Variants in MORC1 observed in about 807,000 individuals in gnomAD.
The protein encoded by MORC1 is MORC family CW-type zinc finger protein 1.
MORC1 carries 59 observed loss-of-function variants against 134.9 expected under a neutral mutation model. The ratio of observed to expected loss-of-function variants is 0.44; its 90% CI spans 0.35 to 0.54. MORC1 has a LOEUF of 0.54. MORC1 is among the 20% of genes least tolerant of loss of function. The pLI is 0.00. For missense variants in MORC1, 947 were observed against 1,134.5 expected (o/e 0.83, Z 2.37); for synonymous variants, 395 against 391.7 (o/e 1.01, Z -0.10).
Position 109,009,203 on chromosome 3 carries a change from TGTTG to T in MORC1, c.1705-2116_1705-2113del, listed in dbSNP as rs1272737538. ...AGTTCTTTCCTATTTTTACGTTTTT[TGTTG>T]TTTTTTTTTTTTTTTTTGAGACAGA... On this transcript the variant is annotated intron_variant, in intron 17 of 27. Coordinates refer to ENST00000232603, the MANE Select transcript of MORC1 (RefSeq NM_014429.4). Among the ~76,000 whole-genome samples the T allele has an allele frequency of 5.9e-4, 77 of 131,414 alleles. 1 individual carries two copies. The highest frequency in any genetic ancestry group is 7.6e-4 in the Admixed American group (10 of 13,084). The allele number at this position is 131,414 out of a possible 152,430, so 86.2% of individuals were successfully genotyped here.
chr3:109,012,700 A>G (rs1361236211), intron 17 of MORC1, among the ~76,000 whole-genome samples: 2 of 152,192 alleles, frequency 1.3e-5, no homozygotes, highest in East Asian at 1.9e-4. Flanking sequence ...TTCAATTTCA[A>G]TTTCCAACTG....
intron 21 of MORC1, among the ~76,000 whole-genome samples, chr3:108,998,809 C>T (rs1259342235): frequency 6.6e-6 from 1 of 152,058 alleles, no homozygotes; most frequent in Admixed American, 6.5e-5. Context: ...AGACATCCTG[C>T]TAGGATCACA....
At position 109,110,712 on chromosome 3, in the gene MORC1, T is replaced by A. The variant is rs779605854; in HGVS notation, c.154+37A>T. 6.6e-6 allele frequency: 10 copies of A among 1,523,848 alleles called. No homozygotes were observed. The South Asian group carries it at 9.7e-5, about 15-fold the overall frequency. 94.4% of individuals were successfully genotyped at this position (1,523,848 alleles called of 1,614,324 possible). ...AAGCAAAATAACTACAGTCTTTCCATTAGAAGAAAATAAAAGAAGAAAGCA... is the reference window on the plus strand; with the variant it reads ...AAGCAAAATAACTACAGTCTTTCCAATAGAAGAAAATAAAAGAAGAAAGCA... On this transcript the variant is annotated intron_variant, in intron 3 of 27. Transcript: ENST00000232603.
chr3:109,035,407 C>A lies in MORC1; in HGVS notation c.1392G>T (p.Glu464Asp). 3 of 1,560,594 alleles carry A rather than the reference C, an allele frequency of 1.9e-6. No individual in the cohort carries two copies. Among genetic ancestry groups the A allele is most frequent in the Non-Finnish European group, 2.6e-6 (3 of 1,142,166 alleles). The change falls in exon 15 of 28, where the codon GAG (glutamate) becomes GAT (aspartate). Residue 464 changes from glutamate to aspartate, a missense_variant. Coordinates refer to ENST00000232603, the MANE Select transcript of MORC1 (RefSeq NM_014429.4). ...EFGYQNDIDV[E>D]KPLNSFQYQR... The stretch of plus-strand genomic sequence containing the variant: ...GATATTGAAAAGAATTTAAAGGTTT[C>A]TCCACATCGATGTCATTCTGGTATC...
At chr3:109,096,520 T>A (rs1314621455) in intron 6 of MORC1, among the ~76,000 whole-genome samples, 1 of 152,180 alleles carries the variant, frequency 6.6e-6, no homozygotes, top group Non-Finnish European at 1.5e-5. Context: ...ACAAGTGCCA[T>A]GGGAATGTCA....
intron 23 of MORC1, among the ~76,000 whole-genome samples, chr3:108,984,323 C>T (rs547812923): frequency 6.6e-6 from 1 of 151,986 alleles, no homozygotes; most frequent in East Asian, 1.9e-4. Context: ...AAAATTCTAG[C>T]ACACAATGAT....
Position 109,102,612 on chromosome 3 carries a change from T to C in MORC1, c.223+1237A>G, listed in dbSNP as rs181981835. Among the ~76,000 whole-genome samples the C allele has an allele frequency of 4.8e-3, 726 of 152,336 alleles. 1 individual carries two copies. Among genetic ancestry groups the C allele is most frequent in the Non-Finnish European group, 8.1e-3 (550 of 68,030 alleles). ...ACTTTATTACTAGTTGATGCTACTA[T>C]GTAACTGAAGTGTGAGTTCCTTCTG... On this transcript the variant is annotated intron_variant, in intron 4 of 27. Transcript: ENST00000232603.
chr3:108,961,113 A>G (rs1947069852), intron 27 of MORC1, among the ~76,000 whole-genome samples: 1 of 152,312 alleles, frequency 6.6e-6, no homozygotes, highest in Middle Eastern at 3.4e-3. Flanking sequence ...CTAACTCTCC[A>G]ACTGAACGAA....
At chr3:108,968,029 G>A (rs989188149) in intron 26 of MORC1, among the ~76,000 whole-genome samples, 2 of 152,154 alleles carry the variant, frequency 1.3e-5, no homozygotes, top group African/African-American at 4.8e-5. Flanking sequence ...GGATAAATGT[G>A]TTAATATAGA....
intron 17 of MORC1, among the ~76,000 whole-genome samples, chr3:109,010,597 T>C (rs928659989): frequency 2.6e-5 from 4 of 152,186 alleles, no homozygotes; most frequent in Non-Finnish European, 2.9e-5. Flanking sequence ...TTTTGATATA[T>C]GTATAATAAT....
intron 2 of MORC1, among the ~76,000 whole-genome samples, chr3:109,112,375 T>C (rs951476394): frequency 1.3e-5 from 2 of 152,230 alleles, no homozygotes; most frequent in African/African-American, 4.8e-5. Context: ...AAATATTGAA[T>C]ACAATGATAT....
At chr3:109,077,642 C>T (rs999944347) in intron 8 of MORC1, among the ~76,000 whole-genome samples, 8 of 151,698 alleles carry the variant, frequency 5.3e-5, no homozygotes, top group Non-Finnish European at 1.2e-4. Flanking sequence ...AACCACAACT[C>T]AATTATTATC....
At position 109,108,769 on chromosome 3, in the gene MORC1, G is replaced by A. The variant is rs141850489; in HGVS notation, c.154+1980C>T. ...AAAAAAATTAGCCGGGCATGGTGGCGGGCACATGTAGTCCCAGCTACTCGG... is the reference window on the plus strand; with the variant it reads ...AAAAAAATTAGCCGGGCATGGTGGCAGGCACATGTAGTCCCAGCTACTCGG... On this transcript the variant is annotated intron_variant, in intron 3 of 27. Coordinates refer to ENST00000232603, the MANE Select transcript of MORC1 (RefSeq NM_014429.4). Among the ~76,000 whole-genome samples, 119 of 152,094 alleles carry A rather than the reference G, an allele frequency of 7.8e-4. No homozygotes were observed. In the East Asian group the frequency reaches 9.1e-3, roughly 12 times the overall value.
At chr3:109,029,193 A>G (rs1436116898) in intron 16 of MORC1, among the ~76,000 whole-genome samples, 1 of 152,102 alleles carries the variant, frequency 6.6e-6, no homozygotes, top group Non-Finnish European at 1.5e-5. Flanking sequence ...ACTTAATTCC[A>G]CCCACATATG....
At chr3:109,114,135 T>C (rs1187267409) in intron 2 of MORC1, among the ~76,000 whole-genome samples, 3 of 152,218 alleles carry the variant, frequency 2.0e-5, no homozygotes, top group Non-Finnish European at 4.4e-5. Flanking sequence ...TAAATGAATA[T>C]GTACAATTAA....
At chr3:109,022,538 T>G (rs889501993) in intron 17 of MORC1, among the ~76,000 whole-genome samples, 5 of 152,210 alleles carry the variant, frequency 3.3e-5, no homozygotes, top group African/African-American at 1.2e-4. Flanking sequence ...AGGCATGAAG[T>G]CTTATAAATG....
rs548350028 is a variant in MORC1, at chr3:109,067,590, C to T, written c.815+2042G>A. 2.5e-4 allele frequency among the ~76,000 whole-genome samples: 38 copies of T among 152,214 alleles called. No homozygotes were observed. In the East Asian group the frequency reaches 2.7e-3, roughly 11 times the overall value. ...TTAAACTATTTTTTACCCAAACTCA[C>T]GAGAGAAATTTAATGTGAAAAGATC... is the stretch of plus-strand genomic sequence containing the variant. On this transcript the variant is annotated intron_variant, in intron 9 of 27. Transcript: ENST00000232603.
chr3:108,964,192 T>C (rs1947157016), intron 26 of MORC1, among the ~76,000 whole-genome samples: 1 of 152,196 alleles, frequency 6.6e-6, no homozygotes. Context: ...AATAGAAGAA[T>C]CTTGGTTGTT....
At chr3:108,966,462 C>T (rs561062124) in intron 26 of MORC1, among the ~76,000 whole-genome samples, 6 of 152,204 alleles carry the variant, frequency 3.9e-5, no homozygotes, top group African/African-American at 7.2e-5. Flanking sequence ...TGATTCAACA[C>T]GTAACTATTA....
Sources: gnomAD v4.1 joint callset for allele counts (sites outside exome capture counted in the v4.1 genomes callset) on GRCh38, gnomAD v4.1.1 for gene constraint, MANE v1.5 for transcripts, NCBI Gene and HGNC (gene_info 2026-07-23, HGNC 2026-07-21) for gene names.